Variants in ITGA9 observed in about 807,000 individuals in gnomAD.
The protein encoded by ITGA9 is integrin alpha-9.
A neutral mutation model predicts 127.8 loss-of-function variants in ITGA9; 56 were observed. That is an observed-to-expected ratio of 0.44 (90% confidence interval 0.35 to 0.55). The LOEUF is 0.55. ITGA9 is among the 20% of genes least tolerant of loss of function. The pLI, the probability that ITGA9 is intolerant of heterozygous loss-of-function variation, is 0.00. For missense variants in ITGA9, 1,196 were observed against 1,347.1 expected (o/e 0.89, Z 1.76); for synonymous variants, 508 against 514.5 (o/e 0.99, Z 0.17).
At chr3:37,701,643 C>G (rs1284332696) in intron 18 of ITGA9, among the ~76,000 whole-genome samples, 1 of 152,160 alleles carries the variant, frequency 6.6e-6, no homozygotes, top group African/African-American at 2.4e-5. Flanking sequence ...AGTTTTATGA[C>G]AAGAAAAAGT....
intron 23 of ITGA9, among the ~76,000 whole-genome samples, chr3:37,759,175 CAGGAAAAACAGACTCCAG>C (rs1260298240): frequency 3.3e-5 from 5 of 151,372 alleles, no homozygotes; most frequent in Non-Finnish European, 7.4e-5. Flanking sequence ...CTGCACACTC[CAGGAAAAACAGACTCCAG>C]AGACTATGTC....
chr3:37,690,328 A>G (rs1173822716), intron 18 of ITGA9, among the ~76,000 whole-genome samples: 2 of 152,214 alleles, frequency 1.3e-5, no homozygotes, highest in Admixed American at 6.5e-5. Flanking sequence ...TTCTGGTGGC[A>G]GGGAGATGTC....
chr3:37,629,397 T>C lies in ITGA9; in HGVS notation c.1839+61T>C, dbSNP rs921353819. On this transcript the variant is annotated intron_variant, in intron 16 of 27. Coordinates refer to ENST00000264741, the MANE Select transcript of ITGA9 (RefSeq NM_002207.3). The surrounding 1 kb of genome is among the most constrained non-coding windows in gnomAD (Gnocchi z 4.5). ...TGGCAGCTGCACAGAGCAGAAATAA[T>C]GGCCCAAAAGTTGAGAGAGCCGTGG... 1 of 1,593,524 alleles carries C rather than the reference T, an allele frequency of 6.3e-7. No individual in the cohort carries two copies. The highest frequency in any genetic ancestry group is 2.3e-5 in the East Asian group (1 of 44,300).
chr3:37,623,500 A>G (rs1019506995), intron 15 of ITGA9, among the ~76,000 whole-genome samples: 1 of 152,166 alleles, frequency 6.6e-6, no homozygotes, highest in African/African-American at 2.4e-5. Flanking sequence ...GTGCCCATAA[A>G]TGTTGGGGTT....
chr3:37,575,023 G>T (rs1699639578), intron 15 of ITGA9, among the ~76,000 whole-genome samples: 1 of 152,120 alleles, frequency 6.6e-6, no homozygotes, highest in Admixed American at 6.5e-5. Flanking sequence ...TTGAGTCAAG[G>T]GTAATAGGGT....
intron 25 of ITGA9, among the ~76,000 whole-genome samples, chr3:37,782,401 G>T (rs946537716): frequency 1.3e-5 from 2 of 152,206 alleles, no homozygotes; most frequent in African/African-American, 4.8e-5. Flanking sequence ...GTGACCCTTT[G>T]CCAAGGAACA....
chr3:37,625,747 C>T (rs1165276107), intron 15 of ITGA9, among the ~76,000 whole-genome samples: 2 of 152,120 alleles, frequency 1.3e-5, no homozygotes, highest in Non-Finnish European at 2.9e-5. Flanking sequence ...GAAAAGGAAA[C>T]CGCTAAATTG....
At chr3:37,471,212 G>A in intron 2 of ITGA9, 78 bp downstream of exon 2, 1 of 1,513,514 alleles carries the variant, frequency 6.6e-7, no homozygotes, top group Non-Finnish European at 9.2e-7. Context: ...AGGATGGCCT[G>A]ATCATTCACT....
At chr3:37,640,022 A>G (rs905884006) in intron 16 of ITGA9, among the ~76,000 whole-genome samples, 1 of 152,082 alleles carries the variant, frequency 6.6e-6, no homozygotes, top group Non-Finnish European at 1.5e-5. Flanking sequence ...AACTCTTCTC[A>G]GGCTTCATCA....
At chr3:37,621,491 T>C (rs563726147) in intron 15 of ITGA9, among the ~76,000 whole-genome samples, 1 of 152,320 alleles carries the variant, frequency 6.6e-6, no homozygotes, top group Non-Finnish European at 1.5e-5. Context: ...GCATGTTCAG[T>C]ATTGTCCAGG....
intron 15 of ITGA9, among the ~76,000 whole-genome samples, chr3:37,609,959 A>T (rs543180047): frequency 2.6e-5 from 4 of 152,364 alleles, no homozygotes; most frequent in Admixed American, 1.3e-4. Context: ...ACAAGCATCT[A>T]TGGAAAATAC....
In ITGA9 at chr3:37,492,973, C is replaced by A. The variant is rs112429595; in HGVS notation, c.545-1528C>A. On this transcript the variant is annotated intron_variant, in intron 4 of 27. Transcript: ENST00000264741. ...CATTGCTTTGCACTAGTCTCACTCG[C>A]AGCCCTGGTGCAAGATTCTGCAGGG... 5.9e-3 allele frequency among the ~76,000 whole-genome samples: 906 copies of A among 152,330 alleles called. 17 individuals are homozygous for A. The highest frequency in any genetic ancestry group is 0.02 in the African/African-American group (848 of 41,566).
Position 37,452,336 on chromosome 3 carries a change from T to G in ITGA9, c.-39T>G. 5.7e-6 allele frequency: 6 copies of G among 1,051,276 alleles called. No homozygotes were observed. The highest frequency in any genetic ancestry group is 6.9e-6 in the Non-Finnish European group (6 of 872,932). The allele number at this position is 1,051,276 out of a possible 1,614,324, so 65.1% of individuals were successfully genotyped here. The stretch of plus-strand genomic sequence containing the variant: ...CCCGCGGCCCGCGCGCTCGGCGCCC[T>G]GCTCGCCGGGCAGAGGGGAAGGCGG... On this transcript the variant is annotated 5_prime_UTR_variant, in exon 1 of 28. Transcript: ENST00000264741. The surrounding 1 kb of genome is among the most constrained non-coding windows in gnomAD (Gnocchi z 7.3).
intron 18 of ITGA9, among the ~76,000 whole-genome samples, chr3:37,730,692 G>A (rs1413652686): frequency 6.6e-6 from 1 of 152,236 alleles, no homozygotes; most frequent in African/African-American, 2.4e-5. Context: ...CCCAGTGCAT[G>A]CTCAGGGCGC....
At chr3:37,492,184 G>C (rs890759973) in intron 4 of ITGA9, among the ~76,000 whole-genome samples, 4 of 152,208 alleles carry the variant, frequency 2.6e-5, no homozygotes, top group Non-Finnish European at 5.9e-5. Context: ...CCTGCTCTCT[G>C]ATCTAGATTT....
intron 13 of ITGA9, among the ~76,000 whole-genome samples, chr3:37,526,918 C>A (rs979107341): frequency 6.1e-4 from 93 of 152,170 alleles, no homozygotes; most frequent in African/African-American, 2.1e-3. Flanking sequence ...GTGAGATGCC[C>A]CATGAGTGGG....
chr3:37,533,472 A>G lies in ITGA9; in HGVS notation c.1528+4A>G. ...AAACACGTTCCAGGAGAGATTGGTA[A>G]TGAGCCACCAAGTCAGGGCTCAGGA... On this transcript the variant is annotated splice_donor_region_variant and intron_variant, in intron 14 of 27. Coordinates refer to ENST00000264741, the MANE Select transcript of ITGA9 (RefSeq NM_002207.3). 1 of 1,613,992 alleles carries G rather than the reference A, an allele frequency of 6.2e-7. No individual in the cohort carries two copies. The highest frequency in any genetic ancestry group is 1.1e-5 in the South Asian group (1 of 91,062).
intron 14 of ITGA9, among the ~76,000 whole-genome samples, chr3:37,540,573 G>T (rs1184516340): frequency 6.6e-6 from 1 of 152,212 alleles, no homozygotes; most frequent in Non-Finnish European, 1.5e-5. Context: ...TGGCACCAGA[G>T]ATTAAGGGAG....
intron 18 of ITGA9, among the ~76,000 whole-genome samples, chr3:37,714,207 A>G (rs775094413): frequency 3.3e-5 from 5 of 152,240 alleles, no homozygotes; most frequent in Non-Finnish European, 7.3e-5. Flanking sequence ...GGTGGGAAGT[A>G]TAAGACCTAC....
Sources: allele counts gnomAD v4.1 joint callset (sites outside exome capture counted in the v4.1 genomes callset), GRCh38; gene constraint gnomAD v4.1.1; non-coding constraint Gnocchi (gnomAD v3.1); transcripts MANE v1.5; gene names NCBI Gene and HGNC (gene_info 2026-07-23, HGNC 2026-07-21).